Variants in QRICH2 observed in about 807,000 individuals in gnomAD.
QRICH2 encodes the protein glutamine rich 2.
A neutral mutation model predicts 168.3 loss-of-function variants in QRICH2; 119 were observed. The observed-to-expected ratio is 0.71, with a 90% CI of 0.61 to 0.82. The LOEUF (loss-of-function observed/expected upper bound fraction) is 0.82. Among genes scored for constraint, QRICH2 ranks in the 40% least tolerant of loss-of-function variants. The pLI, the probability that QRICH2 is intolerant of heterozygous loss-of-function variation, is 0.00. For synonymous variants in QRICH2, 894 were observed against 951.2 expected (o/e 0.94, Z 1.11); for missense variants, 2,241 against 2,491.6 (o/e 0.90, Z 2.14).
rs766725147 is a variant in QRICH2 at position 76,290,999 on chromosome 17, G to A, written c.3712+16C>T. On this transcript the variant is annotated intron_variant, in intron 4 of 18. Transcript: ENST00000680821. ...CAGAGACAATGGTTTCTCCTCTATC[G>A]GCAAGCGGCACCCACCCATCTGTGC... 4 of 1,604,322 alleles carry A rather than the reference G, an allele frequency of 2.5e-6. No homozygotes were observed. Among genetic ancestry groups the A allele is most frequent in the African/African-American group, 1.3e-5 (1 of 74,554 alleles).
intron 6 of QRICH2, 148 bp from the exon 7 acceptor site, chr17:76,287,454 C>T (rs9905488): frequency 0.32 from 215,538 of 666,342 alleles, 38,192 homozygotes; most frequent in East Asian, 0.62. Flanking sequence ...TAGGGAGTCC[C>T]GGGCTATGCC....
chr17:76,275,922 G>A lies in QRICH2; in HGVS notation c.5379C>T (p.Ser1793=). 1 of 1,608,720 alleles carries A rather than the reference G, an allele frequency of 6.2e-7. No homozygotes were observed. Among genetic ancestry groups the A allele is most frequent in the Non-Finnish European group, 8.5e-7 (1 of 1,179,912 alleles). The change falls in exon 18 of 19, where the codon TCC becomes TCT. Residue 1793 remains serine, a synonymous_variant. Coordinates refer to ENST00000680821, the MANE Select transcript of QRICH2 (RefSeq NM_001388453.1). ...TGTGCACGTGGGGCCTGGGCTGCTGGGACTTGCGCTTTGAGGTCCCTGAGC... is the reference window on the plus strand; with the variant it reads ...TGTGCACGTGGGGCCTGGGCTGCTGAGACTTGCGCTTTGAGGTCCCTGAGC... ...KDSSGTSKRK[S]QQPRPHVHRP... is the part of the protein sequence containing the mutation.
intron 3 of QRICH2, among the ~76,000 whole-genome samples, chr17:76,303,645 C>T (rs941536871): frequency 6.6e-6 from 1 of 151,586 alleles, no homozygotes; most frequent in Non-Finnish European, 1.5e-5. Context: ...CCGAGGCGGG[C>T]GGATCACGAG....
rs117347775 is a variant in QRICH2, at chr17:76,294,127, G to A, written c.706-106C>T. The A allele has an allele frequency of 7.4e-4, 1,041 of 1,397,508 alleles. 23 individuals are homozygous for A. In the East Asian group the frequency reaches 0.024, roughly 32 times the overall value. 86.6% of individuals were successfully genotyped at this position (1,397,508 alleles called of 1,614,324 possible). ...TGACTAGGATGATTTAGGGCCCCTG[G>A]AGAAAAAAGCCCTCTGGTCCTAAAA... is the stretch of plus-strand genomic sequence containing the variant. On this transcript the variant is annotated intron_variant, in intron 3 of 18. Transcript: ENST00000680821.
chr17:76,290,993 T>C (rs1181043317), intron 4 of QRICH2, 22 bp downstream of exon 4: 1 of 1,603,164 alleles, frequency 6.2e-7, no homozygotes, highest in African/African-American at 1.3e-5. Context: ...TGGTTTCTCC[T>C]CTATCGGCAA....
intron 3 of QRICH2, 41 bp from the exon 4 acceptor site, chr17:76,294,062 A>G: frequency 6.5e-7 from 1 of 1,548,814 alleles, no homozygotes; most frequent in East Asian, 2.3e-5. Context: ...CAGTCAAAAT[A>G]TTCACTATCA....
At chr17:76,303,977 A>C (rs2070947977) in intron 3 of QRICH2, among the ~76,000 whole-genome samples, 1 of 152,020 alleles carries the variant, frequency 6.6e-6, no homozygotes, top group South Asian at 2.1e-4. Context: ...AGATCCCTGC[A>C]TTTCAGGACA....
chr17:76,275,661 C>G (rs2070661164), intron 18 of QRICH2, among the ~76,000 whole-genome samples, 158 bp downstream of exon 18: 2 of 152,362 alleles, frequency 1.3e-5, no homozygotes, highest in Admixed American at 6.5e-5. Flanking sequence ...GCACAAATCA[C>G]TCAGTCACTC....
At chr17:76,299,414 A>T (rs1405876752) in intron 3 of QRICH2, among the ~76,000 whole-genome samples, 1 of 152,104 alleles carries the variant, frequency 6.6e-6, no homozygotes, top group Non-Finnish European at 1.5e-5. Flanking sequence ...TTCAGGGCTC[A>T]TTCTCAGAGG....
rs1196922572 is a variant in QRICH2, at chr17:76,280,275, C to A, written c.4626+12G>T. 4 of 1,613,514 alleles carry A rather than the reference C, an allele frequency of 2.5e-6. No homozygotes were observed. The Admixed American group carries it at 6.7e-5, about 27-fold the overall frequency. On this transcript the variant is annotated intron_variant, in intron 11 of 18. Coordinates refer to ENST00000680821, the MANE Select transcript of QRICH2 (RefSeq NM_001388453.1). The surrounding 1 kb of genome is among the most constrained non-coding windows in gnomAD (Gnocchi z 7.4). ...CTGTGGGATGGAGAGCCCCGCCATG[C>A]CCCTGCCTCACCTTGTTGTCCATCT... is the stretch of plus-strand genomic sequence containing the variant.
chr17:76,308,682 G>A (rs931388756), upstream of QRICH2, among the ~76,000 whole-genome samples: 3 of 152,086 alleles, frequency 2.0e-5, no homozygotes, highest in Non-Finnish European at 4.4e-5. Flanking sequence ...TCACTATTCA[G>A]GCAGTTCCAA....
chr17:76,290,662 GGT>G (rs2070970441), intron 4 of QRICH2, among the ~76,000 whole-genome samples: 1 of 152,106 alleles, frequency 6.6e-6, no homozygotes, highest in Non-Finnish European at 1.5e-5. Flanking sequence ...TGGGATTACA[GGT>G]GTGAGCCATT....
intron 3 of QRICH2, among the ~76,000 whole-genome samples, chr17:76,298,396 G>A (rs1025661039): frequency 7.4e-4 from 109 of 148,250 alleles, no homozygotes; most frequent in African/African-American, 2.6e-3. Context: ...AGCCAGGATG[G>A]TCTTGATCTC....
chr17:76,301,991 C>T (rs1302755367), intron 3 of QRICH2, among the ~76,000 whole-genome samples: 7 of 151,884 alleles, frequency 4.6e-5, no homozygotes, highest in Admixed American at 3.9e-4. Flanking sequence ...CTTCGTTTCC[C>T]GGGTTCAAAT....
chr17:76,304,527 T>C lies in QRICH2; in HGVS notation c.595-2A>G, dbSNP rs1221746864. On this transcript the variant is annotated splice_acceptor_variant, in intron 2 of 18. Transcript: ENST00000680821. LOFTEE classifies it high-confidence loss of function. Reference sequence around the variant, plus strand: ...ACTCAGCTTCCGGCTGACTAGTTCCTGACAGTGACAGAAAAGACACACACA... The same window carrying C: ...ACTCAGCTTCCGGCTGACTAGTTCCCGACAGTGACAGAAAAGACACACACA... 6.2e-7 allele frequency: 1 copy of C among 1,603,274 alleles called. No homozygotes were observed. The highest frequency in any genetic ancestry group is 1.1e-5 in the South Asian group (1 of 90,436).
chr17:76,281,847 G>T lies in QRICH2; in HGVS notation c.4263+17C>A. ...CCATGTCCAGTTGCAGCAGGAGGGA[G>T]GCGAGCAGAGCCCCACCTGTCTCTG... On this transcript the variant is annotated intron_variant, in intron 8 of 18. Transcript: ENST00000680821. This position sits in a 1 kb window ranked among gnomAD's most constrained non-coding sequence, Gnocchi z 4.4. 3 of 1,607,406 alleles carry T rather than the reference G, an allele frequency of 1.9e-6. No individual in the cohort carries two copies. The highest frequency in any genetic ancestry group is 2.6e-6 in the Non-Finnish European group (3 of 1,175,262).
rs1598508865 is a variant in QRICH2 at position 76,307,308 on chromosome 17, A to G, written c.534+157T>C. On this transcript the variant is annotated intron_variant, in intron 1 of 18. Transcript: ENST00000680821. The surrounding 1 kb of genome is among the most constrained non-coding windows in gnomAD (Gnocchi z 5.3). ...TGCAAGGTAGAGCATGGGCCACTCT[A>G]TTTAGCCAGTCGCACTGAGGTCTGG... is the stretch of plus-strand genomic sequence containing the variant. 6.6e-6 allele frequency among the ~76,000 whole-genome samples: 1 copy of G among 151,950 alleles called. No homozygotes were observed. Among genetic ancestry groups the G allele is most frequent in the East Asian group, 1.9e-4 (1 of 5,154 alleles).
chr17:76,291,600 G>C lies in QRICH2; in HGVS notation c.3127C>G (p.Pro1043Ala). Residue 1043 changes from proline to alanine, a missense_variant, in exon 4 of 19, where the codon CCA becomes GCA. By Grantham distance (27) the Pro-to-Ala change is conservative. Transcript: ENST00000680821. Reference protein sequence around the residue: ...SPGIDRRSLVPPETYQQGLMH... With the variant: ...SPGIDRRSLVAPETYQQGLMH... ...AAACCTTGCTGATAAGTTTCTGGTG[G>C]TACCAAACTCCTTCGATCTATACCA... 1 of 1,614,094 alleles carries C rather than the reference G, an allele frequency of 6.2e-7. No individual in the cohort carries two copies. The highest frequency in any genetic ancestry group is 1.1e-5 in the South Asian group (1 of 91,074).
At position 76,293,732 on chromosome 17, in the gene QRICH2, G is replaced by T; in HGVS notation, c.995C>A (p.Thr332Lys). The stretch of plus-strand genomic sequence containing the variant: ...ATCTGAGTCTGATTTGAATTGGAAT[G>T]TAGAAGACTGATGGAGTCGTGGCAC... ...AGVPRLHQSS[T>K]FQFKSDSDRH... The change falls in exon 4 of 19, where the codon ACA (threonine) becomes AAA (lysine). Residue 332 changes from threonine to lysine, a missense_variant. By Grantham distance (78) the Thr-to-Lys change is moderately conservative (BLOSUM62 -1). Coordinates refer to ENST00000680821, the MANE Select transcript of QRICH2 (RefSeq NM_001388453.1). 6.2e-7 allele frequency: 1 copy of T among 1,614,160 alleles called. No individual in the cohort carries two copies. Among genetic ancestry groups the T allele is most frequent in the Non-Finnish European group, 8.5e-7 (1 of 1,180,026 alleles).
Sources: gnomAD v4.1 joint callset for allele counts (sites outside exome capture counted in the v4.1 genomes callset) on GRCh38, gnomAD v4.1.1 for gene constraint, Gnocchi (gnomAD v3.1) non-coding constraint, MANE v1.5 for transcripts, NCBI Gene and HGNC (gene_info 2026-07-23, HGNC 2026-07-21) for gene names.